The following ATP8B4 variants were observed in gnomAD, a reference collection of about 807,000 sequenced individuals.
The protein encoded by ATP8B4 is ATPase phospholipid transporting 8B4 (putative), also known as probable phospholipid-transporting ATPase IM.
Under a neutral mutation model 145.6 loss-of-function variants are expected in ATP8B4, and 133 were observed. The observed-to-expected ratio is 0.91, with a 90% CI of 0.79 to 1.05. The LOEUF is 1.05. ATP8B4 is among the 50% of genes least tolerant of loss of function. The pLI is 0.00. For missense variants in ATP8B4, 1,458 were observed against 1,425.2 expected (o/e 1.02, Z -0.37); for synonymous variants, 507 against 492.9 (o/e 1.03, Z -0.38).
At chr15:50,106,881 A>T in intron 2 of ATP8B4, 58 bp downstream of exon 2, 1 of 1,515,398 alleles carries the variant, frequency 6.6e-7, no homozygotes, top group Non-Finnish European at 8.9e-7. Flanking sequence ...TCCATGAAAA[A>T]ATTAAAATTA....
rs1174969435 is a variant in ATP8B4 at position 49,860,282 on chromosome 15, T to C, written c.3491A>G (p.Tyr1164Cys). The change falls in exon 28 of 28, where the codon TAT becomes TGT. Residue 1164 changes from tyrosine (Y) to cysteine (C), a missense_variant. By Grantham distance (194) the Tyr-to-Cys change is radical (BLOSUM62 -2). Coordinates refer to ENST00000284509, the MANE Select transcript of ATP8B4 (RefSeq NM_024837.4). ...ATTTTCAATCCAGCTAGTGCTATTA[T>C]AATGTGTCTTTTCCAGCCCTGATGT... ...PPTSGLEKTH[Y>C]NSTSWIENLC... 2.5e-6 allele frequency: 4 copies of C among 1,614,088 alleles called. No homozygotes were observed. Among genetic ancestry groups the C allele is most frequent in the Non-Finnish European group, 3.4e-6 (4 of 1,180,002 alleles).
intron 14 of ATP8B4, among the ~76,000 whole-genome samples, chr15:49,946,988 T>C (rs2042620452): frequency 6.6e-6 from 1 of 152,112 alleles, no homozygotes; most frequent in South Asian, 2.1e-4. Flanking sequence ...ACCTGCCAGG[T>C]AAAAGAAATA....
At chr15:50,077,477 C>G (rs1052996749) in intron 2 of ATP8B4, among the ~76,000 whole-genome samples, 1 of 152,136 alleles carries the variant, frequency 6.6e-6, no homozygotes, top group Non-Finnish European at 1.5e-5. Flanking sequence ...ATAGAAATAA[C>G]TCTAGCCAAA....
intron 16 of ATP8B4, among the ~76,000 whole-genome samples, chr15:49,926,768 C>T (rs1486703271): frequency 1.3e-5 from 2 of 152,134 alleles, no homozygotes; most frequent in South Asian, 2.1e-4. Context: ...AGAAGCTATG[C>T]CTTTGTGACA....
intron 1 of ATP8B4, among the ~76,000 whole-genome samples, chr15:50,140,902 C>T (rs2044198023): frequency 6.6e-6 from 1 of 152,118 alleles, no homozygotes; most frequent in South Asian, 2.1e-4. Context: ...AATGTGCAGG[C>T]AACTTTGGGA....
rs117631941 is a variant in ATP8B4, at chr15:50,144,664, C to A, written c.-43+37597G>T. On this transcript the variant is annotated intron_variant, in intron 1 of 3. Transcript: ENST00000558829. The stretch of plus-strand genomic sequence containing the variant: ...ATTTGGGTAGGGACACAGAGCCAAA[C>A]TATATCACAAAGTTAAGGCATGTTT... Among the ~76,000 whole-genome samples, 195 of 152,234 alleles carry A rather than the reference C, an allele frequency of 1.3e-3. 2 individuals carry two copies. The highest frequency in any genetic ancestry group is 0.011 in the East Asian group (57 of 5,172).
intron 1 of ATP8B4, among the ~76,000 whole-genome samples, chr15:50,149,875 C>T (rs943711397): frequency 3.9e-5 from 6 of 152,086 alleles, no homozygotes; most frequent in African/African-American, 1.4e-4. Context: ...CCAAGGTAGG[C>T]GGATCACCTG....
At chr15:50,016,705 G>A (rs1444814450) in intron 6 of ATP8B4, among the ~76,000 whole-genome samples, 2 of 152,138 alleles carry the variant, frequency 1.3e-5, no homozygotes, top group African/African-American at 2.4e-5. Flanking sequence ...AAGGAGGAGT[G>A]TCCTTAAGGA....
At position 50,173,967 on chromosome 15, in the gene ATP8B4, G is replaced by A. The variant is rs58580493; in HGVS notation, c.-43+8294C>T. On this transcript the variant is annotated intron_variant, in intron 1 of 3. Transcript: ENST00000558829. ...ACCATGATCAAGTGGGTTTCATACC[G>A]GGGATGCAGGGATGGTTTCACGTAC... Among the ~76,000 whole-genome samples, 1,060 of 152,218 alleles carry A rather than the reference G, an allele frequency of 7.0e-3. 13 individuals are homozygous for A. The highest frequency in any genetic ancestry group is 0.024 in the African/African-American group (999 of 41,520).
intron 7 of ATP8B4, among the ~76,000 whole-genome samples, chr15:50,003,691 G>C (rs1202946442): frequency 6.6e-6 from 1 of 152,066 alleles, no homozygotes; most frequent in Non-Finnish European, 1.5e-5. Context: ...GGCTTAAAAG[G>C]CTCATGTTAA....
intron 25 of ATP8B4, 52 bp from the exon 26 acceptor site, chr15:49,866,536 T>A (rs779567483): frequency 8.2e-5 from 131 of 1,589,330 alleles, no homozygotes; most frequent in Non-Finnish European, 1.1e-4. Flanking sequence ...TAAAACAGCA[T>A]CATTTTACCT....
At chr15:50,080,429 T>A (rs968126431) in intron 2 of ATP8B4, among the ~76,000 whole-genome samples, 10 of 152,218 alleles carry the variant, frequency 6.6e-5, no homozygotes, top group Non-Finnish European at 1.3e-4. Context: ...ATAGGGCTGA[T>A]GGTTTGTTAA....
chr15:49,956,018 G>A (rs1175344036), intron 14 of ATP8B4, among the ~76,000 whole-genome samples: 10 of 151,828 alleles, frequency 6.6e-5, no homozygotes, highest in Non-Finnish European at 1.0e-4. Context: ...GAAACAAAAT[G>A]AATAAAATGG....
chr15:49,886,025 C>T (rs2036143347), intron 23 of ATP8B4: 1 of 152,154 alleles, frequency 6.6e-6, no homozygotes, highest in South Asian at 2.1e-4. Flanking sequence ...CTGGACCACT[C>T]ATCGGTAGTT....
At chr15:49,993,503 T>G (rs1322417207) in intron 9 of ATP8B4, among the ~76,000 whole-genome samples, 1 of 152,120 alleles carries the variant, frequency 6.6e-6, no homozygotes, top group African/African-American at 2.4e-5. Flanking sequence ...TAGGGCTTAT[T>G]AACTGTCCTA....
At chr15:50,013,384 T>C (rs2048859307) in intron 6 of ATP8B4, among the ~76,000 whole-genome samples, 1 of 152,110 alleles carries the variant, frequency 6.6e-6, no homozygotes, top group South Asian at 2.1e-4. Flanking sequence ...CCTTCAAACT[T>C]TGCTTTTGCC....
At chr15:50,044,185 T>C (rs2051543207) in intron 5 of ATP8B4, among the ~76,000 whole-genome samples, 1 of 152,142 alleles carries the variant, frequency 6.6e-6, no homozygotes, top group Admixed American at 6.5e-5. Flanking sequence ...TAACTCCTAA[T>C]ATAATGACAA....
At chr15:50,003,955 C>T (rs950566321) in intron 7 of ATP8B4, among the ~76,000 whole-genome samples, 1 of 152,172 alleles carries the variant, frequency 6.6e-6, no homozygotes, top group Non-Finnish European at 1.5e-5. Flanking sequence ...CCCAGCTTCC[C>T]ACAGGCTGAC....
chr15:49,972,496 T>C, intron 13 of ATP8B4, 86 bp downstream of exon 13: 2 of 1,334,642 alleles, frequency 1.5e-6, no homozygotes, highest in Non-Finnish European at 1.0e-6. Flanking sequence ...GCGACTGTTT[T>C]GGATTTTTAA....
Sources: gnomAD v4.1 joint callset for allele counts (sites outside exome capture counted in the v4.1 genomes callset) on GRCh38, gnomAD v4.1.1 for gene constraint, MANE v1.5 for transcripts, NCBI Gene and HGNC (gene_info 2026-07-23, HGNC 2026-07-21) for gene names.